Variants in TOP2A observed in about 807,000 individuals in gnomAD.
TOP2A encodes DNA topoisomerase 2-alpha.
TOP2A carries 68 observed loss-of-function variants against 187.2 expected under a neutral mutation model. The observed-to-expected ratio is 0.36, with a 90% CI of 0.30 to 0.44. The LOEUF (loss-of-function observed/expected upper bound fraction) is 0.44, where lower values mean the gene tolerates loss of function less well. Among genes scored for constraint, TOP2A ranks in the 20% least tolerant of loss-of-function variants. The pLI, the probability that TOP2A is intolerant of heterozygous loss-of-function variation, is 1.00. For missense variants in TOP2A, 1,196 were observed against 1,808.7 expected, an observed-to-expected ratio of 0.66 and a Z score of 6.14; for synonymous variants, 542 against 593.2, an observed-to-expected ratio of 0.91 and a Z score of 1.25.
At chr17:40,410,643 C>T (rs775031084) in intron 10 of TOP2A, 42 of 455,928 alleles carry the variant, frequency 9.2e-5, no homozygotes, top group Middle Eastern at 6.5e-4. Context: ...TCTTATTGAC[C>T]GGATTAGAGA....
intron 4 of TOP2A, among the ~76,000 whole-genome samples, chr17:40,415,287 C>T (rs1032844030): frequency 6.6e-6 from 1 of 152,102 alleles, no homozygotes; most frequent in Admixed American, 6.6e-5. Flanking sequence ...ATCTCCTGAC[C>T]TTGTGATCCG....
intron 7 of TOP2A, among the ~76,000 whole-genome samples, chr17:40,412,064 G>A (rs1238052483): frequency 6.6e-6 from 1 of 152,042 alleles, no homozygotes; most frequent in Non-Finnish European, 1.5e-5. Context: ...GGGCATGGTG[G>A]TGCTGCCTGC....
intron 29 of TOP2A, 81 bp downstream of exon 29, chr17:40,395,368 G>T: frequency 5.5e-5 from 36 of 656,420 alleles, no homozygotes; most frequent in East Asian, 1.4e-4. Flanking sequence ...AAAAGGTTTT[G>T]AACATCTATG....
At chr17:40,415,772 C>A (rs766979915) in intron 4 of TOP2A, among the ~76,000 whole-genome samples, 1 of 152,016 alleles carries the variant, frequency 6.6e-6, no homozygotes, top group African/African-American at 2.4e-5. Context: ...AATAGCAAGA[C>A]CCCTTCCTCT....
chr17:40,408,402 A>C lies in TOP2A; in HGVS notation c.1342+90T>G, dbSNP rs1324229785. 5.3e-6 allele frequency: 7 copies of C among 1,329,956 alleles called. No homozygotes were observed. In the Admixed American group the frequency reaches 1.8e-4, roughly 34 times the overall value. The allele number at this position is 1,329,956 out of a possible 1,614,324, so 82.4% of individuals were successfully genotyped here. On this transcript the variant is annotated intron_variant, in intron 11 of 34. Transcript: ENST00000423485. ...TTCTGTTGAATATAGTTATTCTGTC[A>C]AGGGAAAAATAAATATCCGTGGTAT...
intron 29 of TOP2A, among the ~76,000 whole-genome samples, chr17:40,393,185 G>A (rs1407302602): frequency 6.6e-6 from 1 of 152,006 alleles, no homozygotes; most frequent in Non-Finnish European, 1.5e-5. Flanking sequence ...AATGGGCATG[G>A]TGGAGTGCGC....
intron 21 of TOP2A, 47 bp from the exon 22 acceptor site, chr17:40,400,710 A>G (rs2035168705): frequency 1.3e-6 from 2 of 1,563,856 alleles, no homozygotes; most frequent in African/African-American, 2.7e-5. Context: ...ATGTGATACT[A>G]GACGGAAATC....
chr17:40,397,936 G>T (rs1018039468), intron 27 of TOP2A, among the ~76,000 whole-genome samples: 1 of 150,814 alleles, frequency 6.6e-6, no homozygotes, highest in Non-Finnish European at 1.5e-5. Context: ...GTGCCACTAC[G>T]CCTGGCTAAT....
intron 32 of TOP2A, 96 bp from the exon 33 acceptor site, chr17:40,391,736 C>A (rs2143620691): frequency 8.1e-7 from 1 of 1,228,302 alleles, no homozygotes; most frequent in South Asian, 1.8e-5. Flanking sequence ...ATTTAAACAC[C>A]AAATATGTGA....
intron 27 of TOP2A, among the ~76,000 whole-genome samples, chr17:40,397,776 G>GT (rs996053675): frequency 2.7e-5 from 4 of 149,824 alleles, no homozygotes; most frequent in African/African-American, 9.8e-5. Flanking sequence ...ATTCTAAATA[G>GT]TATTTTTTTT....
At chr17:40,397,285 C>CT (rs11331486) in intron 27 of TOP2A, among the ~76,000 whole-genome samples, 3,558 of 131,166 alleles carry the variant, frequency 0.027, 76 homozygotes, top group African/African-American at 0.035. Flanking sequence ...CTGCTTTCTC[C>CT]TTTTTTTTTT....
At chr17:40,415,565 T>A (rs2035380243) in intron 4 of TOP2A, among the ~76,000 whole-genome samples, 1 of 152,208 alleles carries the variant, frequency 6.6e-6, no homozygotes, top group African/African-American at 2.4e-5. Context: ...TGAGAAAAAG[T>A]TAAAACTCCA....
chr17:40,399,025 GC>G lies in TOP2A; in HGVS notation c.3288+14del. 2 of 1,591,368 alleles carry G rather than the reference GC, an allele frequency of 1.3e-6. No homozygotes were observed. The highest frequency in any genetic ancestry group is 1.7e-6 in the Non-Finnish European group (2 of 1,166,876). On this transcript the variant is annotated intron_variant, in intron 25 of 34. Coordinates refer to ENST00000423485, the MANE Select transcript of TOP2A (RefSeq NM_001067.4). ...ATAGTCTTTAACAATATAGAAAAGT[GC>G]CACCCAAGATTACCTTTTGCTGGGC...
Position 40,391,168 on chromosome 17 carries a change from GT to G in TOP2A, c.4267+337del, listed in dbSNP as rs373638113. 4.4e-3 allele frequency: 832 copies of G among 188,810 alleles called. 5 individuals carry two copies. The highest frequency in any genetic ancestry group is 0.019 in the African/African-American group (796 of 41,374). The allele number at this position is 188,810 out of a possible 1,614,324, so 11.7% of individuals were successfully genotyped here. On this transcript the variant is annotated intron_variant, in intron 33 of 34. Coordinates refer to ENST00000423485, the MANE Select transcript of TOP2A (RefSeq NM_001067.4). Reference sequence around the variant, plus strand: ...ACTCCTGGCCTCAAGCAATCCTCTTGTTTTAGCCTCCCAAAGTGCTGGGATT... The same window carrying G: ...ACTCCTGGCCTCAAGCAATCCTCTTGTTTAGCCTCCCAAAGTGCTGGGATT...
chr17:40,397,822 A>G (rs1353481904), intron 27 of TOP2A, among the ~76,000 whole-genome samples: 1 of 143,248 alleles, frequency 7.0e-6, no homozygotes, highest in African/African-American at 2.6e-5. Context: ...CTTGTTGCCC[A>G]GGCTGGAGTG....
chr17:40,403,177 T>A, intron 19 of TOP2A, 123 bp from the exon 20 acceptor site: 1 of 913,928 alleles, frequency 1.1e-6, no homozygotes, highest in Non-Finnish European at 1.6e-6. Flanking sequence ...TTCCTCAGAT[T>A]AATAGATGGC....
chr17:40,413,287 G>T lies in TOP2A; in HGVS notation c.484C>A (p.Arg162=), dbSNP rs2035346422. The change falls in exon 6 of 35, where the codon CGA becomes AGA. Residue 162 remains arginine, a synonymous_variant. Transcript: ENST00000423485. Reference sequence around the variant, plus strand: ...CACAATTTGGCTCCATAGCCATTTCGACCACCTGGGCAAATAAATATGAAA... The same window carrying T: ...CACAATTTGGCTCCATAGCCATTTCTACCACCTGGGCAAATAAATATGAAA... ...DDDEKKVTGG[R]NGYGAKLCNI... 6.4e-7 allele frequency: 1 copy of T among 1,556,728 alleles called. No homozygotes were observed. The highest frequency in any genetic ancestry group is 1.2e-5 in the South Asian group (1 of 84,166).
At chr17:40,390,617 A>C (rs549296893) in intron 33 of TOP2A, among the ~76,000 whole-genome samples, 126 of 151,406 alleles carry the variant, frequency 8.3e-4, no homozygotes, top group African/African-American at 2.9e-3. Context: ...GTATTCTTAA[A>C]CATTCTATTT....
rs145423686 is a variant in TOP2A, at chr17:40,412,358, T to C, written c.789+401A>G. On this transcript the variant is annotated intron_variant, in intron 7 of 34. Transcript: ENST00000423485. ...GTGAGAAGTGGTAAGAAAATACATA[T>C]GGTTGGGCCAGGTGCAGTGGCTCAT... Among the ~76,000 whole-genome samples, 921 of 152,276 alleles carry C rather than the reference T, an allele frequency of 6.0e-3. 2 individuals carry two copies. Among genetic ancestry groups the C allele is most frequent in the Non-Finnish European group, 0.01 (690 of 68,014 alleles).
Sources: allele counts gnomAD v4.1 joint callset (sites outside exome capture counted in the v4.1 genomes callset), GRCh38; gene constraint gnomAD v4.1.1; transcripts MANE v1.5; gene names NCBI Gene and HGNC (gene_info 2026-07-23, HGNC 2026-07-21).